Variants in LRP1B observed in about 807,000 individuals in gnomAD.
The protein encoded by LRP1B is low-density lipoprotein receptor-related protein 1B.
A neutral mutation model predicts 556.6 loss-of-function variants in LRP1B; 217 were observed. The ratio of observed to expected loss-of-function variants is 0.39; its 90% confidence interval spans 0.35 to 0.44. The LOEUF (loss-of-function observed/expected upper bound fraction) is 0.44, where lower values mean the gene tolerates loss of function less well. Ranked by LOEUF, LRP1B falls within the 20% of genes least tolerant of loss-of-function variation. LRP1B has a pLI of 1.00. For missense variants in LRP1B, 5,053 were observed against 5,620.8 expected (o/e 0.90, Z 3.23); for synonymous variants, 2,047 against 1,865.8 (o/e 1.10, Z -2.50).
intron 3 of LRP1B, among the ~76,000 whole-genome samples, chr2:141,296,082 A>C (rs1352633142): frequency 6.6e-6 from 1 of 152,150 alleles, no homozygotes; most frequent in African/African-American, 2.4e-5. Flanking sequence ...TTCTTCCCAA[A>C]ATTATGTACA....
chr2:141,014,054 G>C (rs1049479322), intron 13 of LRP1B, among the ~76,000 whole-genome samples: 1 of 151,958 alleles, frequency 6.6e-6, no homozygotes, highest in Non-Finnish European at 1.5e-5. Flanking sequence ...ATACTAAAAT[G>C]AATTTTCCCT....
intron 11 of LRP1B, among the ~76,000 whole-genome samples, chr2:141,034,605 A>G (rs941240089): frequency 1.7e-4 from 26 of 151,936 alleles, no homozygotes; most frequent in African/African-American, 5.8e-4. Context: ...CACATGAAAA[A>G]ATGCTCATCA....
At chr2:140,904,758 A>G (rs1487691341) in intron 22 of LRP1B, among the ~76,000 whole-genome samples, 1 of 152,120 alleles carries the variant, frequency 6.6e-6, no homozygotes, top group Non-Finnish European at 1.5e-5. Context: ...AACAGCAGTC[A>G]TTTCAAAGTA....
chr2:141,002,078 A>T (rs1004627418), intron 15 of LRP1B, among the ~76,000 whole-genome samples: 3 of 152,112 alleles, frequency 2.0e-5, no homozygotes, highest in Non-Finnish European at 2.9e-5. Context: ...TTCATTTCTG[A>T]TGATAAACAA....
At chr2:140,991,639 T>C (rs1410259933) in intron 16 of LRP1B, among the ~76,000 whole-genome samples, 1 of 152,112 alleles carries the variant, frequency 6.6e-6, no homozygotes, top group Non-Finnish European at 1.5e-5. Context: ...ACCAAATAAG[T>C]AAGCAAATAA....
chr2:140,752,592 T>C (rs914337270), intron 35 of LRP1B, among the ~76,000 whole-genome samples: 2 of 152,210 alleles, frequency 1.3e-5, no homozygotes, highest in Non-Finnish European at 2.9e-5. Context: ...CCCAGAGTGC[T>C]GGGATGACAG....
At chr2:142,112,594 G>A (rs1707041006) in intron 1 of LRP1B, among the ~76,000 whole-genome samples, 1 of 152,076 alleles carries the variant, frequency 6.6e-6, no homozygotes, top group Non-Finnish European at 1.5e-5. Flanking sequence ...ATTGCTCTGT[G>A]ATTTTCCAGA....
intron 6 of LRP1B, among the ~76,000 whole-genome samples, chr2:141,211,534 T>C (rs1573657633): frequency 6.6e-6 from 1 of 151,868 alleles, no homozygotes; most frequent in South Asian, 2.1e-4. Flanking sequence ...GCAGAATTGC[T>C]TGAACCCGGG....
intron 2 of LRP1B, among the ~76,000 whole-genome samples, chr2:141,784,030 C>A (rs998511381): frequency 2.0e-5 from 3 of 151,858 alleles, no homozygotes; most frequent in African/African-American, 7.2e-5. Flanking sequence ...TAAAATCAAT[C>A]TCTTTATTCA....
chr2:141,428,058 T>G (rs556853399), intron 3 of LRP1B, among the ~76,000 whole-genome samples: 1 of 152,338 alleles, frequency 6.6e-6, no homozygotes, highest in East Asian at 1.9e-4. Flanking sequence ...AATAACATTA[T>G]TTGCATCTTC....
At chr2:140,894,498 C>A (rs1693891685) in intron 23 of LRP1B, among the ~76,000 whole-genome samples, 1 of 149,812 alleles carries the variant, frequency 6.7e-6, no homozygotes, top group African/African-American at 2.4e-5. Flanking sequence ...CTGAAAAAAT[C>A]AAAGATAAGT....
intron 2 of LRP1B, among the ~76,000 whole-genome samples, chr2:141,693,055 T>C (rs904734989): frequency 2.6e-5 from 4 of 152,036 alleles, no homozygotes; most frequent in Non-Finnish European, 4.4e-5. Flanking sequence ...AGAGCTCTTC[T>C]AAGTACAGGG....
chr2:140,924,616 A>G (rs568605754), intron 20 of LRP1B, among the ~76,000 whole-genome samples: 12 of 152,200 alleles, frequency 7.9e-5, no homozygotes, highest in African/African-American at 2.9e-4. Context: ...GTAATAGAAA[A>G]CCACTAGGAC....
intron 27 of LRP1B, among the ~76,000 whole-genome samples, chr2:140,867,200 G>A (rs958980966): frequency 6.6e-6 from 1 of 152,012 alleles, no homozygotes; most frequent in Non-Finnish European, 1.5e-5. Flanking sequence ...TACATGGGGA[G>A]AGGTAGCACA....
At chr2:141,324,595 T>TC (rs1687369151) in intron 3 of LRP1B, among the ~76,000 whole-genome samples, 1 of 152,122 alleles carries the variant, frequency 6.6e-6, no homozygotes, top group African/African-American at 2.4e-5. Context: ...TTGTTTGTGC[T>TC]CCTCAATTAC....
intron 60 of LRP1B, among the ~76,000 whole-genome samples, chr2:140,468,771 G>C (rs1054405538): frequency 4.6e-5 from 7 of 152,204 alleles, no homozygotes; most frequent in Non-Finnish European, 1.0e-4. Flanking sequence ...ATGCTCTTAA[G>C]AAAAGATTAT....
chr2:140,440,018 TTAAA>T (rs1288774267), intron 66 of LRP1B, among the ~76,000 whole-genome samples: 8 of 152,102 alleles, frequency 5.3e-5, no homozygotes, highest in African/African-American at 1.9e-4. Context: ...TTTACATAAT[TTAAA>T]TAAAAACAGA....
chr2:141,001,367 A>G (rs1364112816), intron 15 of LRP1B, among the ~76,000 whole-genome samples: 1 of 152,038 alleles, frequency 6.6e-6, no homozygotes, highest in African/African-American at 2.4e-5. Context: ...CATGTGCACA[A>G]CGTGCAGGTT....
At chr2:140,307,362 TTATTACTACTATTAA>T (rs1311002796) in intron 83 of LRP1B, among the ~76,000 whole-genome samples, 1 of 151,874 alleles carries the variant, frequency 6.6e-6, no homozygotes, top group African/African-American at 2.4e-5. Context: ...AATATTGGCA[TTATTACTACTATTAA>T]TATTACTATT....
Sources: gnomAD v4.1 joint callset for allele counts (sites outside exome capture counted in the v4.1 genomes callset) on GRCh38, gnomAD v4.1.1 for gene constraint, MANE v1.5 for transcripts, NCBI Gene and HGNC (gene_info 2026-07-23, HGNC 2026-07-21) for gene names.